Variants in PSD3 observed in about 807,000 individuals in gnomAD.
PSD3 encodes PH and SEC7 domain-containing protein 3.
A neutral mutation model predicts 105.5 loss-of-function variants in PSD3; 49 were observed. The ratio of observed to expected loss-of-function variants is 0.46; its 90% CI spans 0.37 to 0.59. The LOEUF is 0.59. Ranked by LOEUF, PSD3 falls within the 20% of genes least tolerant of loss-of-function variation. The pLI is 0.00. For missense variants in PSD3, 1,561 were observed against 1,263.8 expected, an observed-to-expected ratio of 1.24 and a Z score of -3.57; for synonymous variants, 557 against 457.8, an observed-to-expected ratio of 1.22 and a Z score of -2.77.
chr8:18,749,844 C>T (rs1023153201), intron 9 of PSD3, among the ~76,000 whole-genome samples: 2 of 152,262 alleles, frequency 1.3e-5, no homozygotes, highest in South Asian at 4.2e-4. Flanking sequence ...TGGGCAACAA[C>T]CAACAAGAAA....
intron 1 of PSD3, among the ~76,000 whole-genome samples, chr8:18,976,335 A>ATTGAAATACT (rs1157171094): frequency 1.5e-4 from 23 of 152,358 alleles, no homozygotes; most frequent in Middle Eastern, 3.4e-3. Flanking sequence ...TACAAATTAC[A>ATTGAAATACT]TTGAAATACT....
intron 1 of PSD3, among the ~76,000 whole-genome samples, chr8:18,988,611 T>A (rs1450174489): frequency 6.6e-6 from 1 of 151,490 alleles, no homozygotes; most frequent in Non-Finnish European, 1.5e-5. Flanking sequence ...CAACCCCCAA[T>A]GCCAAGCTCC....
chr8:18,993,967 G>A (rs1193231510), intron 1 of PSD3, among the ~76,000 whole-genome samples: 4 of 151,972 alleles, frequency 2.6e-5, no homozygotes, highest in African/African-American at 9.7e-5. Context: ...GCAAATGTAT[G>A]TATCACTGAC....
At chr8:18,873,580 A>T (rs953741166) in intron 2 of PSD3, among the ~76,000 whole-genome samples, 5 of 152,206 alleles carry the variant, frequency 3.3e-5, no homozygotes, top group African/African-American at 1.2e-4. Flanking sequence ...TGTGTAGTGA[A>T]AACATTTAAA....
chr8:18,854,526 A>G (rs1156257882), intron 4 of PSD3, among the ~76,000 whole-genome samples: 3 of 152,242 alleles, frequency 2.0e-5, no homozygotes, highest in African/African-American at 4.8e-5. Context: ...TTTAAGGGAA[A>G]GGAGACATTT....
intron 8 of PSD3, among the ~76,000 whole-genome samples, chr8:18,797,595 A>G (rs547749436): frequency 1.5e-3 from 235 of 152,188 alleles, no homozygotes; most frequent in Non-Finnish European, 2.9e-3. Flanking sequence ...AAAAAATAAC[A>G]TCTTTATTGG....
At chr8:18,688,252 G>C (rs1399329350) in intron 9 of PSD3, among the ~76,000 whole-genome samples, 2 of 142,416 alleles carry the variant, frequency 1.4e-5, no homozygotes, top group African/African-American at 2.9e-5. Flanking sequence ...GATCACGTCA[G>C]GCTGTTTGTT....
intron 11 of PSD3, among the ~76,000 whole-genome samples, chr8:18,631,051 C>G (rs1423335391): frequency 6.6e-6 from 1 of 151,902 alleles, no homozygotes; most frequent in African/African-American, 2.4e-5. Flanking sequence ...TTCACTTAGC[C>G]TATAGATTTC....
chr8:18,698,780 T>C (rs993485001), intron 9 of PSD3, among the ~76,000 whole-genome samples: 46 of 152,206 alleles, frequency 3.0e-4, no homozygotes, highest in Admixed American at 7.2e-4. Flanking sequence ...AGTAGGTGTA[T>C]TGATTTCCAA....
chr8:18,728,971 T>G (rs564564563), intron 9 of PSD3, among the ~76,000 whole-genome samples: 1 of 152,316 alleles, frequency 6.6e-6, no homozygotes, highest in African/African-American at 2.4e-5. Context: ...GTTTCAGGCT[T>G]TCTCTGTATC....
chr8:18,791,689 A>G (rs981047969), intron 8 of PSD3, among the ~76,000 whole-genome samples: 3 of 152,222 alleles, frequency 2.0e-5, no homozygotes, highest in African/African-American at 7.2e-5. Context: ...CATGATTAAG[A>G]TGTCAAAAGC....
At chr8:18,843,312 G>C (rs552077404) in intron 4 of PSD3, among the ~76,000 whole-genome samples, 1 of 142,544 alleles carries the variant, frequency 7.0e-6, no homozygotes. Flanking sequence ...AGTGAGCCGA[G>C]ATCGCACGAG....
intron 9 of PSD3, among the ~76,000 whole-genome samples, chr8:18,683,517 T>C (rs1800496234): frequency 6.6e-6 from 1 of 152,234 alleles, no homozygotes; most frequent in African/African-American, 2.4e-5. Context: ...CCCACAGTCA[T>C]CTCATTTTGA....
intron 8 of PSD3, among the ~76,000 whole-genome samples, chr8:18,789,008 C>A (rs1809451771): frequency 1.3e-5 from 2 of 152,144 alleles, no homozygotes; most frequent in Admixed American, 1.3e-4. Context: ...ACCCTAATCA[C>A]AGAGCTCATT....
intron 3 of PSD3, among the ~76,000 whole-genome samples, chr8:18,869,555 A>T (rs1001873862): frequency 2.6e-5 from 4 of 152,182 alleles, no homozygotes; most frequent in Admixed American, 6.5e-5. Flanking sequence ...GGCTTCACAC[A>T]TCTGCAGGAA....
chr8:18,814,784 C>A (rs779765579), intron 4 of PSD3, among the ~76,000 whole-genome samples: 1 of 152,164 alleles, frequency 6.6e-6, no homozygotes, highest in African/African-American at 2.4e-5. Context: ...TACAGTCTGA[C>A]CAACTCATTT....
intron 9 of PSD3, among the ~76,000 whole-genome samples, chr8:18,710,044 G>C (rs189921161): frequency 1.2e-3 from 180 of 152,282 alleles, no homozygotes; most frequent in Middle Eastern, 6.8e-3. Flanking sequence ...AACAAGCTTT[G>C]CTGAGCTAAA....
intron 1 of PSD3, among the ~76,000 whole-genome samples, chr8:18,953,756 A>G (rs945150170): frequency 6.6e-6 from 1 of 152,130 alleles, no homozygotes; most frequent in African/African-American, 2.4e-5. Context: ...CAAAAAAGAA[A>G]AGAAAAGAAA....
At chr8:18,569,351 C>A (rs1410618047) in intron 14 of PSD3, among the ~76,000 whole-genome samples, 1 of 143,906 alleles carries the variant, frequency 6.9e-6, no homozygotes, top group Non-Finnish European at 1.5e-5. Flanking sequence ...TATTTCTCCA[C>A]ATCCTCTCCA....
Sources: allele counts gnomAD v4.1 joint callset (sites outside exome capture counted in the v4.1 genomes callset), GRCh38; gene constraint gnomAD v4.1.1; transcripts MANE v1.5; gene names NCBI Gene and HGNC (gene_info 2026-07-23, HGNC 2026-07-21).